Variants in FOXN3 observed in about 807,000 individuals in gnomAD.
The protein encoded by FOXN3 is forkhead box N3, also known as forkhead box protein N3.
In FOXN3, 7 loss-of-function variants were observed where a neutral mutation model predicts 38.4. The ratio of observed to expected loss-of-function variants is 0.18; its 90% CI spans 0.10 to 0.34. FOXN3 has a LOEUF of 0.34. FOXN3 is among the 10% of genes least tolerant of loss of function. FOXN3 has a pLI of 1.00. For synonymous variants in FOXN3, 230 were observed against 242.2 expected (o/e 0.95, Z 0.47); for missense variants, 456 against 613.4 (o/e 0.74, Z 2.71).
chr14:89,403,914 CAG>C (rs900654445), intron 2 of FOXN3, among the ~76,000 whole-genome samples: 3 of 152,154 alleles, frequency 2.0e-5, no homozygotes, highest in Admixed American at 6.5e-5. Flanking sequence ...AGACAGAAAA[CAG>C]AGAATACAAA....
At chr14:89,439,800 C>T (rs1172607523) in intron 1 of FOXN3, among the ~76,000 whole-genome samples, 1 of 150,274 alleles carries the variant, frequency 6.7e-6, no homozygotes, top group African/African-American at 2.5e-5. Flanking sequence ...GGATTACAGG[C>T]GCCCGCCACC....
intron 1 of FOXN3, among the ~76,000 whole-genome samples, chr14:89,475,202 G>A (rs1893186808): frequency 6.6e-6 from 1 of 152,132 alleles, no homozygotes; most frequent in Non-Finnish European, 1.5e-5. Context: ...TATATATAAA[G>A]ACATAGATAT....
chr14:89,335,749 G>A (rs1257167418), intron 3 of FOXN3, among the ~76,000 whole-genome samples: 2 of 152,036 alleles, frequency 1.3e-5, no homozygotes, highest in Non-Finnish European at 2.9e-5. Context: ...TGGTTAGAGA[G>A]ATTTTCATTT....
intron 1 of FOXN3, among the ~76,000 whole-genome samples, chr14:89,567,784 G>A (rs534114940): frequency 2.7e-5 from 4 of 147,746 alleles, no homozygotes; most frequent in East Asian, 4.0e-4. Context: ...GTGCAGTGGC[G>A]CGATCTCGGG....
At chr14:89,455,977 C>G (rs923104692) in intron 1 of FOXN3, among the ~76,000 whole-genome samples, 1 of 151,964 alleles carries the variant, frequency 6.6e-6, no homozygotes, top group Admixed American at 6.6e-5. Flanking sequence ...GGGCAGATCA[C>G]GAGGTCAGGA....
At chr14:89,306,390 C>T (rs1336562234) in intron 3 of FOXN3, among the ~76,000 whole-genome samples, 1 of 151,420 alleles carries the variant, frequency 6.6e-6, no homozygotes, top group South Asian at 2.1e-4. Context: ...GACGGAGAGA[C>T]GGAGTCTTGC....
chr14:89,506,354 G>A (rs1490319801), intron 1 of FOXN3, among the ~76,000 whole-genome samples: 39 of 125,116 alleles, frequency 3.1e-4, no homozygotes, highest in African/African-American at 7.3e-4. Flanking sequence ...CCGGCCAGCC[G>A]CCCCGTCCGG....
intron 3 of FOXN3, among the ~76,000 whole-genome samples, chr14:89,296,311 C>G (rs1393008782): frequency 6.6e-6 from 1 of 152,162 alleles, no homozygotes; most frequent in Non-Finnish European, 1.5e-5. Context: ...ACCAAGGCAT[C>G]ATTCAGTATA....
At chr14:89,229,013 T>G (rs980703337) in intron 4 of FOXN3, among the ~76,000 whole-genome samples, 1 of 152,028 alleles carries the variant, frequency 6.6e-6, no homozygotes, top group African/African-American at 2.4e-5. Flanking sequence ...CCAGATAAAA[T>G]AATAGTCATG....
intron 3 of FOXN3, among the ~76,000 whole-genome samples, chr14:89,284,015 C>T (rs1377613302): frequency 6.6e-6 from 1 of 152,104 alleles, no homozygotes; most frequent in African/African-American, 2.4e-5. Context: ...CACCTGCCAG[C>T]AAGCCCGGCT....
intron 1 of FOXN3, among the ~76,000 whole-genome samples, chr14:89,445,714 A>ACCT (rs1173878326): frequency 6.6e-6 from 1 of 152,104 alleles, no homozygotes; most frequent in East Asian, 1.9e-4. Context: ...GCTGGAGGCC[A>ACCT]CAGAGGTCTC....
At chr14:89,205,771 CG>C (rs1888367280) in intron 4 of FOXN3, among the ~76,000 whole-genome samples, 1 of 152,208 alleles carries the variant, frequency 6.6e-6, no homozygotes, top group South Asian at 2.1e-4. Context: ...ACCGGGGCTT[CG>C]GGAGCTGTAA....
At position 89,299,840 on chromosome 14, in the gene FOXN3, A is replaced by G. The variant is rs147639382; in HGVS notation, c.681-18826T>C. ...CAGCTGAGGACTAGACAATGTTAGT[A>G]TGGCCAGGGTGCTTGATCCAAAGAC... is the stretch of plus-strand genomic sequence containing the variant. On this transcript the variant is annotated intron_variant, in intron 3 of 5. Transcript: ENST00000557258. Among the ~76,000 whole-genome samples, 446 of 152,346 alleles carry G rather than the reference A, an allele frequency of 2.9e-3. 5 individuals are homozygous for G. Among genetic ancestry groups the G allele is most frequent in the African/African-American group, 9.8e-3 (408 of 41,586 alleles).
At chr14:89,359,101 GC>G (rs1400244812) in intron 2 of FOXN3, among the ~76,000 whole-genome samples, 3 of 152,066 alleles carry the variant, frequency 2.0e-5, no homozygotes, top group Non-Finnish European at 4.4e-5. Flanking sequence ...TTTGAGACCA[GC>G]CTAGTCAACA....
intron 2 of FOXN3, among the ~76,000 whole-genome samples, chr14:89,410,047 T>G (rs775042837): frequency 5.9e-5 from 9 of 152,022 alleles, no homozygotes; most frequent in Non-Finnish European, 1.2e-4. Flanking sequence ...AAAGTAAATC[T>G]CTCCTTAGTG....
chr14:89,306,023 A>C lies in FOXN3; in HGVS notation c.681-25009T>G, dbSNP rs751734469. Among the ~76,000 whole-genome samples the C allele has an allele frequency of 4.6e-5, 7 of 152,342 alleles. No individual in the cohort carries two copies. The South Asian group carries it at 1.2e-3, about 27-fold the overall frequency. ...ATATATTTGCAAAGAAATTATGAGA[A>C]CACCACCACCATTTTCACAACCCTT... On this transcript the variant is annotated intron_variant, in intron 3 of 5. Transcript: ENST00000557258.
intron 4 of FOXN3, among the ~76,000 whole-genome samples, chr14:89,256,218 C>T (rs374103880): frequency 3.3e-5 from 5 of 152,116 alleles, no homozygotes; most frequent in African/African-American, 1.2e-4. Flanking sequence ...GAATAACTGG[C>T]ATAAAAAAGG....
intron 4 of FOXN3, among the ~76,000 whole-genome samples, chr14:89,272,030 C>T (rs1886163068): frequency 6.6e-6 from 1 of 152,192 alleles, no homozygotes; most frequent in South Asian, 2.1e-4. Context: ...ATAATGCAGG[C>T]CAGGTGCAGT....
chr14:89,228,104 C>T (rs959708380), intron 4 of FOXN3, among the ~76,000 whole-genome samples: 4 of 152,210 alleles, frequency 2.6e-5, no homozygotes, highest in African/African-American at 9.7e-5. Flanking sequence ...TGCAAAGCTG[C>T]ACCCAGCCTC....
Sources: gnomAD v4.1 joint callset for allele counts (sites outside exome capture counted in the v4.1 genomes callset) on GRCh38, gnomAD v4.1.1 for gene constraint, MANE v1.5 for transcripts, NCBI Gene and HGNC (gene_info 2026-07-23, HGNC 2026-07-21) for gene names.